AFF1: variants seen among roughly 807,000 people sequenced by gnomAD.
AFF1 encodes AF4/FMR2 family member 1.
A neutral mutation model predicts 121.7 loss-of-function variants in AFF1; 48 were observed. The observed-to-expected ratio is 0.39, with a 90% CI of 0.31 to 0.50. AFF1 has a LOEUF of 0.50. Ranked by LOEUF, AFF1 falls within the 20% of genes least tolerant of loss-of-function variation. AFF1 has a pLI of 0.76. For synonymous variants in AFF1, 613 were observed against 563.0 expected (o/e 1.09, Z -1.26); for missense variants, 1,523 against 1,511.7 (o/e 1.01, Z -0.12).
At chr4:87,030,259 T>C (rs1229724864) in intron 2 of AFF1, among the ~76,000 whole-genome samples, 1 of 152,242 alleles carries the variant, frequency 6.6e-6, no homozygotes, top group Non-Finnish European at 1.5e-5. Flanking sequence ...GCGGTTTATG[T>C]TGCACCTACT....
chr4:87,046,363 T>C (rs766806177), intron 3 of AFF1, 77 bp downstream of exon 3: 581 of 1,531,406 alleles, frequency 3.8e-4, no homozygotes, highest in Non-Finnish European at 4.8e-4. Flanking sequence ...TTCAGTATAA[T>C]TGAGTTCGAA....
At chr4:86,997,098 G>A (rs555577664) in intron 2 of AFF1, among the ~76,000 whole-genome samples, 8 of 152,270 alleles carry the variant, frequency 5.3e-5, no homozygotes, top group Non-Finnish European at 1.2e-4. Flanking sequence ...TTTTGGTAGA[G>A]ACGGGGTTTC....
chr4:87,063,143 A>C (rs1179615191), intron 4 of AFF1, among the ~76,000 whole-genome samples: 2 of 150,920 alleles, frequency 1.3e-5, no homozygotes, highest in Non-Finnish European at 3.0e-5. Context: ...GCATATAGTA[A>C]GTATGTAATA....
intron 2 of AFF1, among the ~76,000 whole-genome samples, chr4:86,997,177 G>A (rs1380886717): frequency 1.3e-5 from 2 of 152,150 alleles, no homozygotes; most frequent in Admixed American, 1.3e-4. Flanking sequence ...CCCCCAAAGT[G>A]CTGGGATTAC....
intron 2 of AFF1, among the ~76,000 whole-genome samples, chr4:86,995,843 C>T (rs1005376897): frequency 6.6e-6 from 1 of 150,936 alleles, no homozygotes; most frequent in East Asian, 2.0e-4. Context: ...CTCTGCCTGG[C>T]CGCCATCCCA....
At chr4:87,083,487 C>T (rs1723375428) in intron 4 of AFF1, among the ~76,000 whole-genome samples, 1 of 152,154 alleles carries the variant, frequency 6.6e-6, no homozygotes, top group South Asian at 2.1e-4. Context: ...GGACTTAGCT[C>T]CTTACTTTCG....
intron 2 of AFF1, among the ~76,000 whole-genome samples, chr4:86,953,988 G>A (rs1443438438): frequency 6.6e-6 from 1 of 152,116 alleles, no homozygotes; most frequent in East Asian, 1.9e-4. Context: ...TGGGATTACA[G>A]GCGTGAGCCA....
At chr4:86,995,053 C>T (rs752045935) in intron 2 of AFF1, among the ~76,000 whole-genome samples, 17 of 152,006 alleles carry the variant, frequency 1.1e-4, no homozygotes, top group Non-Finnish European at 1.8e-4. Flanking sequence ...TCAGCCTAGG[C>T]AACATGGTAA....
rs3841986 is a variant in AFF1 at position 87,137,491 on chromosome 4, C to CT, written c.*1791dup. 54,259 of 230,720 alleles carry CT rather than the reference C, an allele frequency of 0.24. 6,826 individuals are homozygous for CT. The highest frequency in any genetic ancestry group is 0.4 in the East Asian group (6,431 of 16,276). 14.3% of individuals were successfully genotyped at this position (230,720 alleles called of 1,614,324 possible). A position where few individuals can be genotyped will look rare whatever the true frequency, so the allele number is the denominator to read the frequency against. The stretch of plus-strand genomic sequence containing the variant: ...TCTCCAGACTGTTCTTTGGTTGTCA[C>CT]TAAGTCAGAGGTCTGGTCCCTCATG... On this transcript the variant is annotated 3_prime_UTR_variant, in exon 21 of 21. Coordinates refer to ENST00000395146, the MANE Select transcript of AFF1 (RefSeq NM_001166693.3).
intron 4 of AFF1, among the ~76,000 whole-genome samples, chr4:87,064,083 T>G (rs1014124677): frequency 2.6e-5 from 4 of 152,366 alleles, no homozygotes; most frequent in Admixed American, 2.6e-4. Flanking sequence ...TGCTGTAGTT[T>G]CAGGATTCCA....
chr4:87,031,907 AT>A (rs1729123969), intron 2 of AFF1, among the ~76,000 whole-genome samples: 1 of 152,194 alleles, frequency 6.6e-6, no homozygotes, highest in Non-Finnish European at 1.5e-5. Flanking sequence ...TCAGATTCTA[AT>A]TTTTAGCGTT....
At chr4:86,962,102 T>C (rs983196869) in intron 2 of AFF1, among the ~76,000 whole-genome samples, 5 of 151,896 alleles carry the variant, frequency 3.3e-5, no homozygotes, top group African/African-American at 1.2e-4. Flanking sequence ...GCAAAGGGTA[T>C]GCACGAGCTG....
intron 11 of AFF1, among the ~76,000 whole-genome samples, chr4:87,110,067 A>G (rs376956875): frequency 3.3e-5 from 5 of 152,340 alleles, no homozygotes; most frequent in South Asian, 4.1e-4. Context: ...AAATTCCATA[A>G]TAAGCTGTAC....
chr4:86,998,430 A>G (rs1325321242), intron 2 of AFF1, among the ~76,000 whole-genome samples: 1 of 152,224 alleles, frequency 6.6e-6, no homozygotes, highest in Non-Finnish European at 1.5e-5. Flanking sequence ...TTTTGTGACT[A>G]CAAAAACAGG....
chr4:87,089,833 G>A lies in AFF1; in HGVS notation c.1105-151G>A, dbSNP rs955290875. 8.3e-6 allele frequency: 5 copies of A among 604,862 alleles called. No individual in the cohort carries two copies. The African/African-American group carries it at 9.3e-5, about 11-fold the overall frequency. 37.5% of individuals were successfully genotyped at this position (604,862 alleles called of 1,614,324 possible). ...CTTTTCAACATAGCCCACTGAAATA[G>A]GAGTTGTTTTTTTTAAGTACATGAA... On this transcript the variant is annotated intron_variant, in intron 5 of 20. Transcript: ENST00000395146.
At chr4:86,944,155 AAAAAAAAAG>A (rs956428878) in intron 1 of AFF1, among the ~76,000 whole-genome samples, 20 of 151,518 alleles carry the variant, frequency 1.3e-4, no homozygotes, top group African/African-American at 4.6e-4. Flanking sequence ...AAAAAAAAAA[AAAAAAAAAG>A]TCTTCCCTAG....
rs1280892405 is a variant in AFF1 at position 86,948,549 on chromosome 4, A to G, written c.16A>G (p.Arg6Gly). The change falls in exon 2 of 21, where the codon AGA becomes GGA. Residue 6 changes from arginine (R) to glycine (G), a missense_variant. Physicochemically the swap from Arg to Gly is moderately radical, Grantham distance 125. This residue lies in a region of AFF1 where 369 missense variants were observed against 367.2 expected (regional missense o/e 1.00). Transcript: ENST00000395146. MAFTE[R>G]VNSSGNSLYN... ...ACTGGAAACAATGGCATTTACAGAA[A>G]GAGTCAACAGCAGTGGCAACAGGTA... 9 of 1,537,026 alleles carry G rather than the reference A, an allele frequency of 5.9e-6. No individual in the cohort carries two copies. The highest frequency in any genetic ancestry group is 7.8e-6 in the Non-Finnish European group (9 of 1,146,736).
chr4:87,102,233 A>C (rs562249254), intron 8 of AFF1, among the ~76,000 whole-genome samples: 2 of 152,238 alleles, frequency 1.3e-5, no homozygotes, highest in African/African-American at 4.8e-5. Flanking sequence ...ATACGGTTGT[A>C]TATGTTTTGA....
chr4:87,048,691 G>A (rs1448417733), intron 4 of AFF1, among the ~76,000 whole-genome samples: 1 of 152,148 alleles, frequency 6.6e-6, no homozygotes, highest in Non-Finnish European at 1.5e-5. Flanking sequence ...TAACTTTCTG[G>A]TGTCAGCTTC....
Sources: allele counts gnomAD v4.1 joint callset (sites outside exome capture counted in the v4.1 genomes callset), GRCh38; gene constraint gnomAD v4.1.1; regional missense constraint gnomAD v4.1.1; transcripts MANE v1.5; gene names NCBI Gene and HGNC (gene_info 2026-07-23, HGNC 2026-07-21).